MOGAT1: variants seen among roughly 807,000 people sequenced by gnomAD.
MOGAT1 encodes 2-acylglycerol O-acyltransferase 1.
In MOGAT1, 32 loss-of-function variants were observed where a neutral mutation model predicts 31.4. The observed-to-expected ratio is 1.02, with a 90% CI of 0.77 to 1.37. The LOEUF is 1.37. MOGAT1 is among the 40% of genes most tolerant of loss of function. The probability of loss-of-function intolerance (pLI) is 0.00; values close to 1 mark genes in which losing one functional copy is unlikely to be tolerated. For synonymous variants in MOGAT1, 145 were observed against 144.5 expected (o/e 1.00, Z -0.03); for missense variants, 426 against 402.0 (o/e 1.06, Z -0.51).
At chr2:222,686,793 G>C (rs1320173488) in intron 1 of MOGAT1, among the ~76,000 whole-genome samples, 1 of 152,112 alleles carries the variant, frequency 6.6e-6, no homozygotes, top group Non-Finnish European at 1.5e-5. Context: ...ATATATCTGA[G>C]AAATTTATTG....
At position 222,688,473 on chromosome 2, in the gene MOGAT1, T is replaced by A; in HGVS notation, c.224T>A (p.Ile75Asn). 1 of 1,613,648 alleles carries A rather than the reference T, an allele frequency of 6.2e-7. No homozygotes were observed. ...PERGGRRSSW[I>N]KNWTLWKHFK... ...CGAGGAGGCAGGAGATCCAGCTGGA[T>A]CAAAAATTGGACTCTTTGGAAACAC... Residue 75 changes from isoleucine to asparagine, a missense_variant, in exon 2 of 6, where the codon ATC (isoleucine) becomes AAC (asparagine). Transcript: ENST00000446656.
At chr2:222,674,939 G>A (rs1045965810) in intron 1 of MOGAT1, among the ~76,000 whole-genome samples, 7 of 152,068 alleles carry the variant, frequency 4.6e-5, no homozygotes, top group Admixed American at 1.3e-4. Context: ...CCAAAGTAAC[G>A]GGATTACAGG....
At chr2:222,688,653 T>C in intron 2 of MOGAT1, 131 bp downstream of exon 2, 1 of 659,664 alleles carries the variant, frequency 1.5e-6, no homozygotes, top group Non-Finnish European at 2.5e-6. Flanking sequence ...TGTAACAGAA[T>C]ACCAAAGACT....
chr2:222,680,007 T>C (rs1692554054), intron 1 of MOGAT1, among the ~76,000 whole-genome samples: 1 of 152,046 alleles, frequency 6.6e-6, no homozygotes, highest in Admixed American at 6.5e-5. Context: ...TACCCACTGT[T>C]CCACCATTTC....
chr2:222,690,267 A>C (rs1692737081), intron 3 of MOGAT1, among the ~76,000 whole-genome samples: 1 of 152,176 alleles, frequency 6.6e-6, no homozygotes, highest in Admixed American at 6.5e-5. Flanking sequence ...TTAAAAAAAT[A>C]AATAAAAAGA....
In MOGAT1 at chr2:222,691,353, T is replaced by G. The variant is rs190066440; in HGVS notation, c.478+1884T>G. ...CTCCCAAGCAGCTGGGATTACAGGC[T>G]TGCACCACCATGCCAGGCTAATTTT... On this transcript the variant is annotated intron_variant, in intron 3 of 5. Coordinates refer to ENST00000446656, the MANE Select transcript of MOGAT1 (RefSeq NM_058165.3). 6.8e-3 allele frequency among the ~76,000 whole-genome samples: 1,035 copies of G among 151,830 alleles called. 12 individuals are homozygous for G. The highest frequency in any genetic ancestry group is 0.023 in the African/African-American group (971 of 41,432).
intron 1 of MOGAT1, among the ~76,000 whole-genome samples, chr2:222,684,734 G>A (rs961008495): frequency 1.3e-5 from 2 of 151,900 alleles, no homozygotes; most frequent in African/African-American, 4.8e-5. Flanking sequence ...CTGCCACCAC[G>A]CCCAGCTAAT....
chr2:222,681,121 G>A (rs1325231585), intron 1 of MOGAT1, among the ~76,000 whole-genome samples: 1 of 152,152 alleles, frequency 6.6e-6, no homozygotes, highest in Non-Finnish European at 1.5e-5. Flanking sequence ...GAAAATTTAT[G>A]TCCCTGGTTT....
intron 1 of MOGAT1, chr2:222,678,075 T>C (rs920595538): frequency 2.2e-5 from 5 of 228,086 alleles, no homozygotes; most frequent in African/African-American, 9.2e-5. Flanking sequence ...AAACTCTTCT[T>C]GTTCTGCTTT....
intron 1 of MOGAT1, among the ~76,000 whole-genome samples, chr2:222,687,575 C>T (rs893595097): frequency 6.6e-6 from 1 of 152,206 alleles, no homozygotes; most frequent in Non-Finnish European, 1.5e-5. Flanking sequence ...GTCACTACAA[C>T]CCAAGTCAAG....
chr2:222,699,162 C>G (rs1002105590), intron 5 of MOGAT1: 1 of 152,172 alleles, frequency 6.6e-6, no homozygotes, highest in East Asian at 1.9e-4. Context: ...CGCTACCACA[C>G]CCAGCTAATT....
intron 1 of MOGAT1, among the ~76,000 whole-genome samples, chr2:222,687,378 G>A (rs1228942447): frequency 2.0e-5 from 3 of 151,994 alleles, no homozygotes; most frequent in Admixed American, 6.6e-5. Flanking sequence ...AAGCAGCAAC[G>A]GCATTCCTTA....
At chr2:222,678,817 T>G (rs1308558739) in intron 1 of MOGAT1, among the ~76,000 whole-genome samples, 3 of 152,164 alleles carry the variant, frequency 2.0e-5, no homozygotes, top group Non-Finnish European at 4.4e-5. Context: ...GGCGGGTGCC[T>G]GTAGTCTCAG....
intron 1 of MOGAT1, among the ~76,000 whole-genome samples, chr2:222,680,610 A>G (rs1692565646): frequency 6.6e-6 from 1 of 152,198 alleles, no homozygotes; most frequent in South Asian, 2.1e-4. Flanking sequence ...ACATTCTTAT[A>G]TTCTACAGAT....
intron 1 of MOGAT1, among the ~76,000 whole-genome samples, chr2:222,683,602 C>T (rs1692619252): frequency 6.6e-6 from 1 of 152,026 alleles, no homozygotes; most frequent in Non-Finnish European, 1.5e-5. Flanking sequence ...GTGGCACGTG[C>T]CTGTAATCCC....
chr2:222,690,872 A>G (rs1692749399), intron 3 of MOGAT1, among the ~76,000 whole-genome samples: 1 of 152,202 alleles, frequency 6.6e-6, no homozygotes, highest in Non-Finnish European at 1.5e-5. Flanking sequence ...TTTTGTATAC[A>G]TTGTGTTAGA....
intron 5 of MOGAT1, 35 bp downstream of exon 5, chr2:222,695,323 C>A: frequency 7.1e-7 from 1 of 1,417,722 alleles, no homozygotes; most frequent in South Asian, 1.3e-5. Context: ...TATTAGCTTA[C>A]TTTAAGCAAT....
chr2:222,683,307 G>C (rs996258326), intron 1 of MOGAT1, among the ~76,000 whole-genome samples: 3 of 151,768 alleles, frequency 2.0e-5, no homozygotes, highest in Non-Finnish European at 2.9e-5. Flanking sequence ...GTTTTATTTT[G>C]AAATAAGGGG....
intron 5 of MOGAT1, among the ~76,000 whole-genome samples, chr2:222,701,428 A>G (rs1692921315): frequency 6.7e-6 from 1 of 150,258 alleles, no homozygotes; most frequent in Non-Finnish European, 1.5e-5. Flanking sequence ...TAAAGAAAGA[A>G]AGAAAGAGAG....
Sources: allele counts gnomAD v4.1 joint callset (sites outside exome capture counted in the v4.1 genomes callset), GRCh38; gene constraint gnomAD v4.1.1; transcripts MANE v1.5; gene names NCBI Gene and HGNC (gene_info 2026-07-23, HGNC 2026-07-21).